Variants in IREB2 observed in about 807,000 individuals in gnomAD.
IREB2 encodes the protein iron responsive element binding protein 2, also known as iron-responsive element-binding protein 2.
Under a neutral mutation model 118.8 loss-of-function variants are expected in IREB2, and 39 were observed. The observed-to-expected ratio is 0.33, with a 90% CI of 0.25 to 0.43. The LOEUF is 0.43. Ranked by LOEUF, IREB2 falls within the 20% of genes least tolerant of loss-of-function variation. The pLI is 1.00. For missense variants in IREB2, 900 were observed against 1,147.3 expected (o/e 0.78, Z 3.11); for synonymous variants, 372 against 392.2 (o/e 0.95, Z 0.61).
chr15:78,494,461 A>ACT (rs1313410368), intron 20 of IREB2, among the ~76,000 whole-genome samples, 197 bp downstream of exon 20: 1 of 152,178 alleles, frequency 6.6e-6, no homozygotes, highest in African/African-American at 2.4e-5. Context: ...TCATTTTAAT[A>ACT]CTCTGAGTTT....
chr15:78,491,590 C>T (rs1248600596), intron 18 of IREB2, among the ~76,000 whole-genome samples: 1 of 152,222 alleles, frequency 6.6e-6, no homozygotes, highest in East Asian at 1.9e-4. Flanking sequence ...CTCTGCATCC[C>T]GGGTTCAAGC....
At chr15:78,496,531 G>T (rs1216550061) in intron 20 of IREB2, among the ~76,000 whole-genome samples, 1 of 152,042 alleles carries the variant, frequency 6.6e-6, no homozygotes, top group Non-Finnish European at 1.5e-5. Flanking sequence ...GCCTCCCATA[G>T]TGCTGGCATT....
intron 2 of IREB2, among the ~76,000 whole-genome samples, chr15:78,460,086 A>G (rs1240879916): frequency 1.3e-5 from 2 of 152,236 alleles, no homozygotes; most frequent in Non-Finnish European, 2.9e-5. Flanking sequence ...TATCTCTAAT[A>G]TCTTACTTTT....
intron 2 of IREB2, among the ~76,000 whole-genome samples, chr15:78,459,676 C>T (rs367651678): frequency 3.3e-5 from 5 of 152,096 alleles, no homozygotes; most frequent in African/African-American, 7.2e-5. Flanking sequence ...AAACTGAGTT[C>T]GTATTCAGAT....
At chr15:78,496,337 A>G (rs1262870374) in intron 20 of IREB2, among the ~76,000 whole-genome samples, 1 of 152,074 alleles carries the variant, frequency 6.6e-6, no homozygotes, top group Non-Finnish European at 1.5e-5. Context: ...GCATGATCTC[A>G]GCTCCCTGCA....
chr15:78,478,323 A>G lies in IREB2; in HGVS notation c.1222A>G (p.Met408Val), dbSNP rs146949380. ...TGFSKAKLES[M>V]ETYLKAVKLF... ...TTTTAGCAAAGCCAAACTCGAATCA[A>G]TGGAAACATACCTTAAAGCTGTGAA... Residue 408 changes from methionine to valine, a missense_variant, in exon 10 of 22, where the codon ATG becomes GTG. Transcript: ENST00000258886. 117 of 1,613,386 alleles carry G rather than the reference A, an allele frequency of 7.3e-5. No individual in the cohort carries two copies. The East Asian group carries it at 2.1e-3, about 29-fold the overall frequency.
Position 78,438,345 on chromosome 15 carries a change from C to T in IREB2, c.8C>T (p.Ala3Val). 3.1e-6 allele frequency: 5 copies of T among 1,597,048 alleles called. No individual in the cohort carries two copies. The highest frequency in any genetic ancestry group is 4.3e-6 in the Non-Finnish European group (5 of 1,172,632). Residue 3 changes from alanine to valine, a missense_variant, in exon 1 of 22, where the codon GCC becomes GTC. Ala to Val is a moderately conservative substitution (Grantham distance 64, BLOSUM62 0). Transcript: ENST00000258886. ...ATAATATGGTCTCCGGCGATGGACGCCCCAAAAGCAGGTCAGTTTCGGGCC... is the reference window on the plus strand; with the variant it reads ...ATAATATGGTCTCCGGCGATGGACGTCCCAAAAGCAGGTCAGTTTCGGGCC... The part of the protein sequence containing the change: MD[A>V]PKAGYAFEYL...
At chr15:78,467,600 A>G (rs1435489326) in intron 5 of IREB2, among the ~76,000 whole-genome samples, 2 of 152,012 alleles carry the variant, frequency 1.3e-5, no homozygotes, top group African/African-American at 2.4e-5. Context: ...CTGAGGCATG[A>G]GAATCGCTTG....
intron 4 of IREB2, 131 bp from the exon 5 acceptor site, chr15:78,466,140 T>G: frequency 1.8e-6 from 1 of 540,924 alleles, no homozygotes; most frequent in Non-Finnish European, 3.2e-6. Context: ...AAACCTGAGT[T>G]AAATGATACA....
At chr15:78,482,760 T>A (rs1315264347) in intron 10 of IREB2, among the ~76,000 whole-genome samples, 1 of 152,012 alleles carries the variant, frequency 6.6e-6, no homozygotes, top group Non-Finnish European at 1.5e-5. Flanking sequence ...GGTTTTTTTT[T>A]TTTTTGAGAC....
intron 18 of IREB2, among the ~76,000 whole-genome samples, chr15:78,491,341 C>T (rs28511883): frequency 0.23 from 35,389 of 151,886 alleles, 4,339 homozygotes; most frequent in South Asian, 0.35. Flanking sequence ...TAGAGTTGCC[C>T]TGTTATCAAA....
chr15:78,477,867 G>A (rs910558658), intron 9 of IREB2, among the ~76,000 whole-genome samples: 1 of 152,048 alleles, frequency 6.6e-6, no homozygotes, highest in Non-Finnish European at 1.5e-5. Context: ...ACTGCAGTGG[G>A]CTATGATGGC....
intron 13 of IREB2, among the ~76,000 whole-genome samples, chr15:78,486,109 C>T (rs563827119): frequency 6.6e-6 from 1 of 152,234 alleles, no homozygotes; most frequent in East Asian, 1.9e-4. Context: ...ACAAGACAAA[C>T]AAGTACAACC....
rs1049347030 is a variant in IREB2 at position 78,499,393 on chromosome 15, T to G, written c.*1250T>G. The G allele has an allele frequency of 2.0e-5, 3 of 152,188 alleles. No individual in the cohort carries two copies. The highest frequency in any genetic ancestry group is 4.4e-5 in the Non-Finnish European group (3 of 68,028). The allele number at this position is 152,188 out of a possible 1,614,324, so 9.4% of individuals were successfully genotyped here. On this transcript the variant is annotated 3_prime_UTR_variant, in exon 22 of 22. Transcript: ENST00000258886. ...GTTTTTTTAATTAAGAAACTAAGTC[T>G]AGCAGGCTAAAGGTTAATTGTAGTG... is the stretch of plus-strand genomic sequence containing the variant.
chr15:78,487,590 A>T, intron 13 of IREB2, 143 bp from the exon 14 acceptor site: 2 of 557,248 alleles, frequency 3.6e-6, no homozygotes, highest in Non-Finnish European at 6.4e-6. Flanking sequence ...TTCTGAGGTG[A>T]ATATATTGAT....
At chr15:78,476,082 C>A in intron 8 of IREB2, 106 bp from the exon 9 acceptor site, 2 of 703,648 alleles carry the variant, frequency 2.8e-6, no homozygotes, top group Non-Finnish European at 4.5e-6. Context: ...CTCATTCCTT[C>A]ACCATCACTA....
rs151042324 is a variant in IREB2 at position 78,458,957 on chromosome 15, C to T, written c.107-3965C>T. On this transcript the variant is annotated intron_variant, in intron 2 of 21. Transcript: ENST00000258886. ...GGAGCCACACTCTCACACCAGGATA[C>T]CTGGCTAGTTTTTTGTATTTTTAGT... Among the ~76,000 whole-genome samples the T allele has an allele frequency of 2.1e-4, 32 of 152,114 alleles. 1 individual carries two copies. In the East Asian group the frequency reaches 5.8e-3, roughly 28 times the overall value.
chr15:78,474,769 C>G (rs2051436347), intron 8 of IREB2: 1 of 152,042 alleles, frequency 6.6e-6, no homozygotes, highest in Non-Finnish European at 1.5e-5. Context: ...AAAAATAAAA[C>G]CATAGGCCGG....
Position 78,462,950 on chromosome 15 carries a change from G to A in IREB2, c.135G>A (p.Leu45=), listed in dbSNP as rs770479495. The A allele has an allele frequency of 6.2e-7, 1 of 1,612,102 alleles. No individual in the cohort carries two copies. The highest frequency in any genetic ancestry group is 2.2e-5 in the East Asian group (1 of 44,814). Residue 45 remains leucine (L), a synonymous_variant, in exon 3 of 22, where the codon TTG becomes TTA. Coordinates refer to ENST00000258886, the MANE Select transcript of IREB2 (RefSeq NM_004136.4). ...YDVLPYSIRV[L]LEAAVRNCDG... is the part of the protein sequence containing the mutation. ...TTCTGCCTTACTCAATACGGGTCTT[G>A]TTGGAAGCTGCTGTACGAAATTGTG... is the stretch of plus-strand genomic sequence containing the variant.
Sources: allele counts gnomAD v4.1 joint callset (sites outside exome capture counted in the v4.1 genomes callset), GRCh38; gene constraint gnomAD v4.1.1; transcripts MANE v1.5; gene names NCBI Gene and HGNC (gene_info 2026-07-23, HGNC 2026-07-21).